Variants in TACC1 observed in about 807,000 individuals in gnomAD.
TACC1 encodes transforming acidic coiled-coil-containing protein 1.
A neutral mutation model predicts 84.4 loss-of-function variants in TACC1; 48 were observed. That is an observed-to-expected ratio of 0.57 (90% confidence interval 0.45 to 0.72). TACC1 has a LOEUF of 0.72. TACC1 is among the 30% of genes least tolerant of loss of function. TACC1 has a pLI of 0.00. For missense variants in TACC1, 920 were observed against 973.0 expected, an observed-to-expected ratio of 0.95 and a Z score of 0.72; for synonymous variants, 372 against 376.3, an observed-to-expected ratio of 0.99 and a Z score of 0.13.
intron 5 of TACC1, 117 bp downstream of exon 5, chr8:38,827,492 T>A: frequency 9.5e-7 from 1 of 1,057,570 alleles, no homozygotes. Context: ...AAGGATAGAT[T>A]TAGGATGCTG....
At chr8:38,846,283 C>CAAAAAAAAAA (rs538545237) in intron 11 of TACC1, 1 of 59,654 alleles carries the variant, frequency 1.7e-5, no homozygotes, top group Non-Finnish European at 3.1e-5. Context: ...GACTCCATCT[C>CAAAAAAAAAA]AAAAAAAAAA....
At chr8:38,768,488 C>T (rs975183403) in intron 3 of TACC1, among the ~76,000 whole-genome samples, 3 of 152,202 alleles carry the variant, frequency 2.0e-5, no homozygotes, top group African/African-American at 4.8e-5. Context: ...GTGGCTACTG[C>T]GGCTTCCGGC....
At chr8:38,819,099 G>A (rs1264541584) in intron 2 of TACC1, among the ~76,000 whole-genome samples, 5 of 152,158 alleles carry the variant, frequency 3.3e-5, no homozygotes, top group African/African-American at 1.2e-4. Context: ...TTCTGACCCT[G>A]AAGCTGTCAG....
In TACC1 at chr8:38,742,391, T is replaced by A. The variant is rs931558733; in HGVS notation, c.-634T>A. On this transcript the variant is annotated 5_prime_UTR_variant, in exon 2 of 15. Coordinates refer to the TACC1 transcript ENST00000518415. The stretch of plus-strand genomic sequence containing the variant: ...GGCCAGAGAGAGGTCCTGGTCTTGA[T>A]TGCTGGCATGTTTACTCTTCCAAGT... 4 of 1,511,296 alleles carry A rather than the reference T, an allele frequency of 2.6e-6. No homozygotes were observed. The African/African-American group carries it at 5.5e-5, about 21-fold the overall frequency. 93.6% of individuals were successfully genotyped at this position (1,511,296 alleles called of 1,614,324 possible).
intron 3 of TACC1, among the ~76,000 whole-genome samples, chr8:38,763,625 G>A (rs1043726194): frequency 2.0e-5 from 3 of 152,040 alleles, no homozygotes; most frequent in African/African-American, 7.2e-5. Flanking sequence ...TTAACATGCT[G>A]GGACATTTTT....
chr8:38,820,233 A>T lies in TACC1; in HGVS notation c.989A>T (p.Asn330Ile). The stretch of plus-strand genomic sequence containing the variant: ...TTTGATTTCACAGAAGATACAGGAA[A>T]CATAGAGGCCAGGAAAGCCCTTCCA... ...LEFDFTEDTG[N>I]IEARKALPRK... Residue 330 changes from asparagine (N) to isoleucine (I), a missense_variant, in exon 3 of 13, where the codon AAC becomes ATC. Physicochemically the swap from Asn to Ile is moderately radical, Grantham distance 149 (BLOSUM62 -3). This residue lies in a region of TACC1 where 762 missense variants were observed against 747.3 expected (regional missense o/e 1.02). Coordinates refer to ENST00000317827, the MANE Select transcript of TACC1 (RefSeq NM_006283.3). 2 of 1,614,140 alleles carry T rather than the reference A, an allele frequency of 1.2e-6. No individual in the cohort carries two copies. Among genetic ancestry groups the T allele is most frequent in the Non-Finnish European group, 1.7e-6 (2 of 1,180,024 alleles).
chr8:38,846,283 CAAA>C (rs538545237), intron 11 of TACC1: 12 of 59,656 alleles, frequency 2.0e-4, no homozygotes, highest in South Asian at 1.6e-3. Flanking sequence ...GACTCCATCT[CAAA>C]AAAAAAAAAA....
chr8:38,734,659 T>C (rs1278593463), intron 1 of TACC1, among the ~76,000 whole-genome samples: 2 of 152,250 alleles, frequency 1.3e-5, no homozygotes, highest in Non-Finnish European at 2.9e-5. Context: ...TTTCCATAGT[T>C]TGACTTTCGG....
intron 3 of TACC1, among the ~76,000 whole-genome samples, chr8:38,749,433 C>A (rs968033027): frequency 1.3e-5 from 2 of 152,106 alleles, no homozygotes; most frequent in Non-Finnish European, 2.9e-5. Flanking sequence ...ATTCTACAGC[C>A]AGATGAAGAC....
chr8:38,822,053 C>A (rs187007286), intron 3 of TACC1, among the ~76,000 whole-genome samples: 5 of 151,938 alleles, frequency 3.3e-5, no homozygotes, highest in South Asian at 2.1e-4. Context: ...AGACACCCCC[C>A]CACACACACC....
At chr8:38,745,564 G>A (rs1807922983) in intron 3 of TACC1, 1 of 659,860 alleles carries the variant, frequency 1.5e-6, no homozygotes, top group Non-Finnish European at 2.7e-6. Flanking sequence ...TGTTTTTTGA[G>A]ATGGAATCTT....
In TACC1 at chr8:38,775,042, A is replaced by C. The variant is rs114571987; in HGVS notation, c.27-13662A>C. 6.4e-3 allele frequency among the ~76,000 whole-genome samples: 974 copies of C among 152,046 alleles called. 8 individuals are homozygous for C. Among genetic ancestry groups the C allele is most frequent in the African/African-American group, 0.022 (918 of 41,438 alleles). ...AAAAAAAAAAAAATGAAAACCAAAA[A>C]CTTTTAAAACAAAGTACAAGACTAT... On this transcript the variant is annotated intron_variant, in intron 3 of 14. Coordinates refer to the TACC1 transcript ENST00000518415.
chr8:38,745,195 A>G, exon 3 of TACC1: 1 of 348,184 alleles, frequency 2.9e-6, no homozygotes, highest in South Asian at 6.8e-5. Context: ...TACACACAAA[A>G]TACACTCAAA....
At chr8:38,821,412 T>C (rs1359028753) in intron 3 of TACC1, among the ~76,000 whole-genome samples, 1 of 152,204 alleles carries the variant, frequency 6.6e-6, no homozygotes, top group Non-Finnish European at 1.5e-5. Flanking sequence ...AAGGGTCTTG[T>C]AGAAAGAAGA....
intron 3 of TACC1, among the ~76,000 whole-genome samples, chr8:38,777,400 G>A (rs535314470): frequency 5.3e-5 from 8 of 152,366 alleles, no homozygotes; most frequent in South Asian, 4.1e-4. Flanking sequence ...CCTGTCCAGA[G>A]TGTGGTCCTC....
At chr8:38,767,649 A>C (rs554342074) in intron 3 of TACC1, among the ~76,000 whole-genome samples, 2 of 152,302 alleles carry the variant, frequency 1.3e-5, no homozygotes, top group East Asian at 3.9e-4. Flanking sequence ...CCATCCACTA[A>C]GTTTTTGGCT....
intron 8 of TACC1, chr8:38,839,387 G>A (rs1375529205): frequency 2.5e-6 from 1 of 393,766 alleles, no homozygotes; most frequent in Non-Finnish European, 4.5e-6. Context: ...AAGAAAAAAA[G>A]GCATAAATAA....
At chr8:38,745,527 T>C (rs1807907462) in intron 3 of TACC1, 1 of 684,358 alleles carries the variant, frequency 1.5e-6, no homozygotes, top group East Asian at 2.7e-5. Context: ...CTTGTTTTTT[T>C]TCTGTTTGTT....
chr8:38,799,240 C>T (rs1820758471), intron 2 of TACC1, among the ~76,000 whole-genome samples: 1 of 152,250 alleles, frequency 6.6e-6, no homozygotes, highest in African/African-American at 2.4e-5. Flanking sequence ...CATCCCCCAG[C>T]CGTTAGCCTA....
Sources: allele counts gnomAD v4.1 joint callset (sites outside exome capture counted in the v4.1 genomes callset), GRCh38; gene constraint gnomAD v4.1.1; regional missense constraint gnomAD v4.1.1; transcripts MANE v1.5; gene names NCBI Gene and HGNC (gene_info 2026-07-23, HGNC 2026-07-21).